Variants in ADGRL1 observed in about 807,000 individuals in gnomAD.
ADGRL1 encodes the protein adhesion G protein-coupled receptor L1, also known as CIRL-1.
ADGRL1 carries 31 observed loss-of-function variants against 148.9 expected under a neutral mutation model. The observed-to-expected ratio is 0.21, with a 90% CI of 0.16 to 0.28. ADGRL1 has a LOEUF of 0.28. Ranked by LOEUF, ADGRL1 falls within the 10% of genes least tolerant of loss-of-function variation. The pLI is 1.00. For synonymous variants in ADGRL1, 937 were observed against 900.3 expected, an observed-to-expected ratio of 1.04 and a Z score of -0.73; for missense variants, 1,521 against 2,058.8, an observed-to-expected ratio of 0.74 and a Z score of 5.05.
chr19:14,157,048 A>G lies in ADGRL1; in HGVS notation c.2843T>C (p.Val948Ala). The G allele has an allele frequency of 1.2e-6, 2 of 1,614,010 alleles. No homozygotes were observed. The highest frequency in any genetic ancestry group is 2.2e-5 in the South Asian group (2 of 91,078). Residue 948 changes from valine (V) to alanine (A), a missense_variant, in exon 15 of 23, where the codon GTG becomes GCG. Around this residue, in one of 8 missense-constraint regions of ADGRL1, gnomAD observed 26 missense variants for 75.0 expected, o/e 0.35. Coordinates refer to ENST00000361434, the MANE Select transcript of ADGRL1 (RefSeq NM_014921.5). This position sits in a 1 kb window ranked among gnomAD's most constrained non-coding sequence, Gnocchi z 7.5. ...GGAATACTCGCTCTCAAACACCTCCACTAGTAGCAGGTAGAGGTGCACGCC... is the reference window on the plus strand; with the variant it reads ...GGAATACTCGCTCTCAAACACCTCCGCTAGTAGCAGGTAGAGGTGCACGCC... ...LEGVHLYLLL[V>A]EVFESEYSRT...
intron 11 of ADGRL1, 105 bp downstream of exon 11, chr19:14,158,985 G>A: frequency 7.2e-7 from 1 of 1,395,848 alleles, no homozygotes; most frequent in Non-Finnish European, 9.9e-7. Context: ...CATGAGAAAA[G>A]GTCAGCACCG....
chr19:14,201,260 T>C (rs979449531), intron 1 of ADGRL1, among the ~76,000 whole-genome samples: 12 of 150,570 alleles, frequency 8.0e-5, no homozygotes, highest in African/African-American at 2.4e-4. Context: ...CAGGGTATTT[T>C]TAGCCTCTGA....
chr19:14,152,617 G>T lies in ADGRL1; in HGVS notation c.3424-4C>A. ...TCCACATCCTCCGAATTCGGCTCTG[G>T]GAACACAACCCAAATGTGAGGGGAT... On this transcript the variant is annotated splice_region_variant and splice_polypyrimidine_tract_variant and intron_variant, in intron 19 of 22. Transcript: ENST00000361434. The surrounding 1 kb of genome is among the most constrained non-coding windows in gnomAD (Gnocchi z 6.1). 6.2e-7 allele frequency: 1 copy of T among 1,613,716 alleles called. No homozygotes were observed. Among genetic ancestry groups the T allele is most frequent in the Non-Finnish European group, 8.5e-7 (1 of 1,179,802 alleles).
rs1182416202 is a variant in ADGRL1 at position 14,162,576 on chromosome 19, G to A, written c.1195+30C>T. On this transcript the variant is annotated intron_variant, in intron 5 of 22. Coordinates refer to ENST00000361434, the MANE Select transcript of ADGRL1 (RefSeq NM_014921.5). This position sits in a 1 kb window ranked among gnomAD's most constrained non-coding sequence, Gnocchi z 5.4. ...GGGTGGAGGGGACAAAGGCAAGCAG[G>A]CTCCATGCCTGGAAGTGAGTCGTCC... The A allele has an allele frequency of 3.2e-6, 5 of 1,569,206 alleles. No homozygotes were observed. The highest frequency in any genetic ancestry group is 1.3e-5 in the African/African-American group (1 of 74,408).
At position 14,160,762 on chromosome 19, in the gene ADGRL1, G is replaced by A. The variant is rs937243153; in HGVS notation, c.1511-66C>T. The A allele has an allele frequency of 8.8e-6, 8 of 911,344 alleles. No individual in the cohort carries two copies. Among genetic ancestry groups the A allele is most frequent in the African/African-American group, 4.8e-5 (3 of 61,864 alleles). The allele number at this position is 911,344 out of a possible 1,614,324, so 56.5% of individuals were successfully genotyped here. A position where few individuals can be genotyped will look rare whatever the true frequency, so the allele number is the denominator to read the frequency against. On this transcript the variant is annotated intron_variant, in intron 6 of 22. Transcript: ENST00000361434. The surrounding 1 kb of genome is among the most constrained non-coding windows in gnomAD (Gnocchi z 5.9). ...GGGAAGAAGAGAAGGATGGGACAGA[G>A]AGGGGGAAAGGAGATGACAGAGAGT... is the stretch of plus-strand genomic sequence containing the variant.
chr19:14,200,820 G>A (rs970012763), intron 1 of ADGRL1, among the ~76,000 whole-genome samples: 3 of 151,848 alleles, frequency 2.0e-5, no homozygotes, highest in Admixed American at 6.6e-5. Flanking sequence ...GTCTCGCTTT[G>A]TCGCCCAGGC....
chr19:14,159,488 G>C lies in ADGRL1; in HGVS notation c.1936C>G (p.Leu646Val), dbSNP rs777682494. The C allele has an allele frequency of 7.4e-6, 12 of 1,613,302 alleles. No individual in the cohort carries two copies. The highest frequency in any genetic ancestry group is 1.0e-5 in the Non-Finnish European group (12 of 1,179,740). Residue 646 changes from leucine (L) to valine (V), a missense_variant, in exon 10 of 23, where the codon CTC (leucine) becomes GTC (valine). Transcript: ENST00000361434. This position sits in a 1 kb window ranked among gnomAD's most constrained non-coding sequence, Gnocchi z 6.0. ...GCGCCCTCCTCCAGGACGTCGAGGAGCATGGTGGCCGTGTGCACCTGCTCC... is the reference window on the plus strand; with the variant it reads ...GCGCCCTCCTCCAGGACGTCGAGGACCATGGTGGCCGTGTGCACCTGCTCC... ...ATEQVHTATM[L>V]LDVLEEGAFL...
intron 2 of ADGRL1, among the ~76,000 whole-genome samples, chr19:14,181,063 T>A (rs1000887788): frequency 1.2e-4 from 18 of 151,838 alleles, no homozygotes; most frequent in Admixed American, 2.6e-4. Flanking sequence ...AATAAATAAA[T>A]AAAAAATAAA....
chr19:14,159,441 G>A lies in ADGRL1; in HGVS notation c.1983C>T (p.Val661=). The A allele has an allele frequency of 1.9e-6, 3 of 1,612,992 alleles. No individual in the cohort carries two copies. The highest frequency in any genetic ancestry group is 2.5e-6 in the Non-Finnish European group (3 of 1,179,512). The change falls in exon 10 of 23, where the codon GTC becomes GTT. Residue 661 remains valine, a synonymous_variant. Coordinates refer to ENST00000361434, the MANE Select transcript of ADGRL1 (RefSeq NM_014921.5). The surrounding 1 kb of genome is among the most constrained non-coding windows in gnomAD (Gnocchi z 6.0). The part of the protein sequence containing the change: ...EEGAFLLADN[V]REPARFLAAK... ...CAGCCAGGAAGCGGGCAGGCTCCCT[G>A]ACATTGTCGGCCAGCAGGAAGGCGC...
intron 22 of ADGRL1, 132 bp from the exon 23 acceptor site, chr19:14,151,747 C>T: frequency 2.4e-6 from 2 of 842,850 alleles, no homozygotes; most frequent in Non-Finnish European, 1.8e-6. Context: ...CCCCTGCCCC[C>T]TGGATCTCTG....
At chr19:14,201,156 T>A (rs1388669716) in intron 1 of ADGRL1, among the ~76,000 whole-genome samples, 1 of 151,872 alleles carries the variant, frequency 6.6e-6, no homozygotes, top group Non-Finnish European at 1.5e-5. Context: ...GTCTAGGAAA[T>A]CCTGTCTGGG....
At position 14,151,554 on chromosome 19, in the gene ADGRL1, G is replaced by C. The variant is rs767732552; in HGVS notation, c.3729C>G (p.Phe1243Leu). 1 of 1,611,114 alleles carries C rather than the reference G, an allele frequency of 6.2e-7. No individual in the cohort carries two copies. The stretch of plus-strand genomic sequence containing the variant: ...CACTTCGCAAGGAGTAACTGTTATT[G>C]AAGTTGCCGTTCAGGGGCAGGGTGT... Reference protein sequence around the residue: ...GMDTLPLNGNFNNSYSLRSGD... With the variant: ...GMDTLPLNGNLNNSYSLRSGD... The change falls in exon 23 of 23, where the codon TTC (phenylalanine) becomes TTG (leucine). Residue 1243 changes from phenylalanine to leucine, a missense_variant. Physicochemically the swap from Phe to Leu is conservative, Grantham distance 22. Coordinates refer to ENST00000361434, the MANE Select transcript of ADGRL1 (RefSeq NM_014921.5).
At chr19:14,153,108 T>A (rs115132960) in intron 18 of ADGRL1, among the ~76,000 whole-genome samples, 196 bp from the exon 19 acceptor site, 1 of 152,154 alleles carries the variant, frequency 6.6e-6, no homozygotes, top group African/African-American at 2.4e-5. Flanking sequence ...GCCGATCAGG[T>A]TTCACTCTCT....
rs1387778028 is a variant in ADGRL1 at position 14,152,812 on chromosome 19, C to T, written c.3395G>A (p.Ser1132Asn). Residue 1132 changes from serine (S) to asparagine (N), a missense_variant, in exon 19 of 23, where the codon AGC (serine) becomes AAC (asparagine). Transcript: ENST00000361434. The surrounding 1 kb of genome is among the most constrained non-coding windows in gnomAD (Gnocchi z 6.1). Reference sequence around the variant, plus strand: ...GGTCCCTGTGTAGTAGCGGGTGTTGCTTCGCATGGCTGAGGTCTTGAGGGA... The same window carrying T: ...GGTCCCTGTGTAGTAGCGGGTGTTGTTTCGCATGGCTGAGGTCTTGAGGGA... ...HGSLKTSAMR[S>N]NTRYYTGTQS... The T allele has an allele frequency of 6.2e-7, 1 of 1,614,022 alleles. No individual in the cohort carries two copies. Among genetic ancestry groups the T allele is most frequent in the Non-Finnish European group, 8.5e-7 (1 of 1,180,030 alleles).
Position 14,155,622 on chromosome 19 carries a change from G to A in ADGRL1, c.3126-95C>T. ...CAGCCTACAACGGGGGCCCTTGGGTGGGCCTGGGCACTGTCTGCAAAGCCC... is the reference window on the plus strand; with the variant it reads ...CAGCCTACAACGGGGGCCCTTGGGTAGGCCTGGGCACTGTCTGCAAAGCCC... On this transcript the variant is annotated intron_variant, in intron 17 of 22. Coordinates refer to ENST00000361434, the MANE Select transcript of ADGRL1 (RefSeq NM_014921.5). This position sits in a 1 kb window ranked among gnomAD's most constrained non-coding sequence, Gnocchi z 5.0. 2.3e-6 allele frequency: 3 copies of A among 1,332,462 alleles called. No individual in the cohort carries two copies. The highest frequency in any genetic ancestry group is 3.1e-6 in the Non-Finnish European group (3 of 962,340). 82.5% of individuals were successfully genotyped at this position (1,332,462 alleles called of 1,614,324 possible).
chr19:14,161,270 CAT>C lies in ADGRL1; in HGVS notation c.1510+40_1510+41del. 2 of 1,499,892 alleles carry C rather than the reference CAT, an allele frequency of 1.3e-6. No individual in the cohort carries two copies. The highest frequency in any genetic ancestry group is 1.8e-6 in the Non-Finnish European group (2 of 1,129,668). 92.9% of individuals were successfully genotyped at this position (1,499,892 alleles called of 1,614,324 possible). A position where few individuals can be genotyped will look rare whatever the true frequency, so the allele number is the denominator to read the frequency against. On this transcript the variant is annotated intron_variant, in intron 6 of 22. Coordinates refer to ENST00000361434, the MANE Select transcript of ADGRL1 (RefSeq NM_014921.5). The surrounding 1 kb of genome is among the most constrained non-coding windows in gnomAD (Gnocchi z 4.4). ...TGCATCTGTGCTAAGCTGCTGGGGG[CAT>C]GGCCCCCATCCCTCCCCTGGCTGCA...
In ADGRL1 at chr19:14,150,998, G is replaced by A. The variant is rs771098774; in HGVS notation, c.4285C>T (p.Arg1429Trp). 6 of 1,587,064 alleles carry A rather than the reference G, an allele frequency of 3.8e-6. No individual in the cohort carries two copies. The highest frequency in any genetic ancestry group is 2.7e-5 in the African/African-American group (2 of 74,320). The change falls in exon 23 of 23, where the codon CGG (arginine) becomes TGG (tryptophan). Residue 1429 changes from arginine to tryptophan, a missense_variant. By Grantham distance (101) the Arg-to-Trp change is moderately radical. Transcript: ENST00000361434. Reference sequence around the variant, plus strand: ...TGGTAGTAGCCCTGCAGGGGATTCCGGGCCACCAGGGCTGGCGGGCGCGAG... The same window carrying A: ...TGGTAGTAGCCCTGCAGGGGATTCCAGGCCACCAGGGCTGGCGGGCGCGAG... ...YTSRPPALVARNPLQGYYQVR... is the reference protein window; with the variant it reads ...YTSRPPALVAWNPLQGYYQVR...
intron 1 of ADGRL1, among the ~76,000 whole-genome samples, chr19:14,190,091 T>C (rs1184609722): frequency 6.6e-6 from 1 of 152,002 alleles, no homozygotes; most frequent in African/African-American, 2.4e-5. Context: ...CCGTGCCTGG[T>C]TAATTTTTGT....
At chr19:14,164,711 AAGG>A (rs1969787381) in intron 4 of ADGRL1, 1 of 150,232 alleles carries the variant, frequency 6.7e-6, no homozygotes, top group Non-Finnish European at 1.5e-5. Context: ...AATCCCTGAA[AAGG>A]AGGAAAACCT....
Sources: allele counts gnomAD v4.1 joint callset (sites outside exome capture counted in the v4.1 genomes callset), GRCh38; gene constraint gnomAD v4.1.1; regional missense constraint gnomAD v4.1.1; non-coding constraint Gnocchi (gnomAD v3.1); transcripts MANE v1.5; gene names NCBI Gene and HGNC (gene_info 2026-07-23, HGNC 2026-07-21).